The following SEMA4B variants were observed in gnomAD, a reference collection of about 807,000 sequenced individuals.
SEMA4B encodes semaphorin-4B.
A neutral mutation model predicts 88.1 loss-of-function variants in SEMA4B; 55 were observed. The ratio of observed to expected loss-of-function variants is 0.62; its 90% confidence interval spans 0.50 to 0.78. SEMA4B has a LOEUF of 0.78. Ranked by LOEUF, SEMA4B falls within the 30% of genes least tolerant of loss-of-function variation. SEMA4B has a pLI of 0.00. For missense variants in SEMA4B, 1,062 were observed against 1,111.9 expected, an observed-to-expected ratio of 0.96 and a Z score of 0.64; for synonymous variants, 525 against 473.6, an observed-to-expected ratio of 1.11 and a Z score of -1.41.
chr15:90,186,435 TGTG>T (rs906367807), intron 1 of SEMA4B, among the ~76,000 whole-genome samples: 3 of 148,166 alleles, frequency 2.0e-5, no homozygotes, highest in African/African-American at 7.5e-5. Context: ...GCCTGGTCAA[TGTG>T]GTGAAACCTC....
chr15:90,199,969 T>C (rs2151591022), upstream of SEMA4B, among the ~76,000 whole-genome samples: 2 of 152,326 alleles, frequency 1.3e-5, no homozygotes, highest in African/African-American at 4.8e-5. Flanking sequence ...AGTAGCACTG[T>C]GGGTGCTTGG....
chr15:90,227,860 G>A (rs765880501), intron 13 of SEMA4B, 44 bp from the exon 14 acceptor site: 1 of 1,603,256 alleles, frequency 6.2e-7, no homozygotes, highest in Admixed American at 1.7e-5. Flanking sequence ...TGGAGCTACT[G>A]TGGACGCTGG....
At chr15:90,224,024 G>C in intron 9 of SEMA4B, 36 bp downstream of exon 9, 1 of 1,580,304 alleles carries the variant, frequency 6.3e-7, no homozygotes, top group Non-Finnish European at 8.6e-7. Context: ...AAGGGGTGCC[G>C]GGAAGATGTG....
At chr15:90,200,496 C>G (rs1003389906), upstream of SEMA4B, among the ~76,000 whole-genome samples, 12 of 152,186 alleles carry the variant, frequency 7.9e-5, no homozygotes, top group African/African-American at 2.9e-4. Context: ...CTGTTGGGAT[C>G]CACTAAATTG....
intron 9 of SEMA4B, among the ~76,000 whole-genome samples, chr15:90,224,304 A>C (rs1962029474): frequency 6.6e-6 from 1 of 152,202 alleles, no homozygotes; most frequent in African/African-American, 2.4e-5. Context: ...TTAATTATCA[A>C]GTGACTGAAT....
At chr15:90,191,826 G>A (rs1960352616) in intron 1 of SEMA4B, 1 of 152,310 alleles carries the variant, frequency 6.6e-6, no homozygotes, top group African/African-American at 2.4e-5. Flanking sequence ...CTCTGCTGCA[G>A]AAGGCGCTGC....
chr15:90,228,749 G>A lies in SEMA4B; in HGVS notation c.*106G>A. 1 of 1,476,644 alleles carries A rather than the reference G, an allele frequency of 6.8e-7. No homozygotes were observed. Among genetic ancestry groups the A allele is most frequent in the Admixed American group, 1.9e-5 (1 of 51,586 alleles). The allele number at this position is 1,476,644 out of a possible 1,614,324, so 91.5% of individuals were successfully genotyped here. On this transcript the variant is annotated 3_prime_UTR_variant, in exon 14 of 14. Transcript: ENST00000411539. ...CTGCTCTTCGTGGAACACGACCGTG[G>A]TGCCCGGCCCTTGGGAGCCTTGGGG... is the stretch of plus-strand genomic sequence containing the variant.
At position 90,221,038 on chromosome 15, in the gene SEMA4B, T is replaced by C. The variant is rs1961808001; in HGVS notation, c.540T>C (p.Asp180=). The change falls in exon 5 of 14, where the codon GAT becomes GAC. Residue 180 remains aspartate (D), a synonymous_variant. Coordinates refer to ENST00000411539, the MANE Select transcript of SEMA4B (RefSeq NM_198925.4). Reference sequence around the variant, plus strand: ...AGAAGGGGAATGTCCTCCTGGAAGATGGCAAGGGCCGTTGTCCCTTCGACC... The same window carrying C: ...AGAAGGGGAATGTCCTCCTGGAAGACGGCAAGGGCCGTTGTCCCTTCGACC... ...RDEKGNVLLE[D]GKGRCPFDPN... 6.2e-7 allele frequency: 1 copy of C among 1,611,552 alleles called. No individual in the cohort carries two copies. The highest frequency in any genetic ancestry group is 8.5e-7 in the Non-Finnish European group (1 of 1,178,890).
chr15:90,198,027 C>T (rs1004950301), upstream of SEMA4B, among the ~76,000 whole-genome samples: 5 of 151,088 alleles, frequency 3.3e-5, no homozygotes, highest in South Asian at 2.1e-4. Flanking sequence ...CCCGGGTTCG[C>T]GCCATTCTCC....
intron 1 of SEMA4B, chr15:90,206,832 G>T: frequency 1.4e-6 from 1 of 728,750 alleles, no homozygotes; most frequent in Non-Finnish European, 2.5e-6. Context: ...TGGGGGAATG[G>T]GTAGGTCTCT....
At chr15:90,220,855 C>T in intron 4 of SEMA4B, 127 bp from the exon 5 acceptor site, 1 of 655,758 alleles carries the variant, frequency 1.5e-6, no homozygotes, top group African/African-American at 1.8e-5. Context: ...TGACACCTGA[C>T]CCCTTCTGTC....
rs895894353 is a variant in SEMA4B at position 90,212,208 on chromosome 15, T to G, written c.158-5231T>G. On this transcript the variant is annotated intron_variant, in intron 1 of 13. Transcript: ENST00000411539. The surrounding 1 kb of genome is among the most constrained non-coding windows in gnomAD (Gnocchi z 4.0). ...GTGGGGACCCTGCAGGTGACTCTTA[T>G]GTGCCCATTCCATGTGCCGTCTCCC... Among the ~76,000 whole-genome samples the G allele has an allele frequency of 1.6e-4, 24 of 152,180 alleles. No homozygotes were observed. The highest frequency in any genetic ancestry group is 6.2e-4 in the South Asian group (3 of 4,826).
chr15:90,219,580 A>C (rs1961699752), intron 3 of SEMA4B: 1 of 536,720 alleles, frequency 1.9e-6, no homozygotes, highest in African/African-American at 1.9e-5. Flanking sequence ...TCACAAAACT[A>C]GCTGAGCCCC....
intron 12 of SEMA4B, 33 bp downstream of exon 12, chr15:90,225,860 C>T: frequency 6.8e-7 from 1 of 1,471,528 alleles, no homozygotes; most frequent in Non-Finnish European, 9.0e-7. Flanking sequence ...TCCCATCTGT[C>T]CAGCCCTGCA....
chr15:90,217,686 A>G, intron 2 of SEMA4B, 81 bp from the exon 3 acceptor site: 2 of 1,604,884 alleles, frequency 1.2e-6, no homozygotes, highest in Non-Finnish European at 1.7e-6. Context: ...TTCTGGGTCC[A>G]AGGATGATGC....
At chr15:90,199,231 A>C (rs1960615816), upstream of SEMA4B, among the ~76,000 whole-genome samples, 1 of 152,128 alleles carries the variant, frequency 6.6e-6, no homozygotes, top group Non-Finnish European at 1.5e-5. Context: ...TTGTAGGGGA[A>C]CCAAGGAGGA....
chr15:90,219,282 A>C (rs1961685704), intron 3 of SEMA4B: 1 of 152,314 alleles, frequency 6.6e-6, no homozygotes, highest in Non-Finnish European at 1.5e-5. Flanking sequence ...GAAAAGACAG[A>C]ATTAATGAAA....
rs1025295099 is a variant in SEMA4B, at chr15:90,185,027, G to A, written c.-176G>A. 7 of 985,494 alleles carry A rather than the reference G, an allele frequency of 7.1e-6. No homozygotes were observed. In the African/African-American group the frequency reaches 1.2e-4, roughly 17 times the overall value. The allele number at this position is 985,494 out of a possible 1,614,324, so 61.0% of individuals were successfully genotyped here. A position where few individuals can be genotyped will look rare whatever the true frequency, so the allele number is the denominator to read the frequency against. On this transcript the variant is annotated 5_prime_UTR_variant, in exon 1 of 15. Transcript: ENST00000332496. ...GGGGGACGAGTCAGTGGACACTCCA[G>A]GAAGAGCGGCCCCGCGGGGGGCGAT...
At chr15:90,227,276 G>A (rs1281459356) in intron 12 of SEMA4B, 5 of 382,230 alleles carry the variant, frequency 1.3e-5, no homozygotes, top group Non-Finnish European at 2.4e-5. Context: ...TGAATTCCTG[G>A]GCTCAAGCGA....
Sources: gnomAD v4.1 joint callset for allele counts (sites outside exome capture counted in the v4.1 genomes callset) on GRCh38, gnomAD v4.1.1 for gene constraint, Gnocchi (gnomAD v3.1) non-coding constraint, MANE v1.5 for transcripts, NCBI Gene and HGNC (gene_info 2026-07-23, HGNC 2026-07-21) for gene names.